Variants in PPM1L observed in about 807,000 individuals in gnomAD.
The protein encoded by PPM1L is protein phosphatase, Mg2+/Mn2+ dependent 1L.
PPM1L carries 13 observed loss-of-function variants against 31.4 expected under a neutral mutation model. The observed-to-expected ratio is 0.41, with a 90% CI of 0.27 to 0.66. PPM1L has a LOEUF of 0.66. Ranked by LOEUF, PPM1L falls within the 30% of genes least tolerant of loss-of-function variation. The probability of loss-of-function intolerance (pLI) is 0.29; values close to 1 mark genes in which losing one functional copy is unlikely to be tolerated. For synonymous variants in PPM1L, 184 were observed against 175.4 expected (o/e 1.05, Z -0.39); for missense variants, 326 against 453.7 (o/e 0.72, Z 2.56).
chr3:160,884,786 T>C (rs1225150564), intron 1 of PPM1L, among the ~76,000 whole-genome samples: 1 of 152,156 alleles, frequency 6.6e-6, no homozygotes, highest in Non-Finnish European at 1.5e-5. Flanking sequence ...ATGAATAAGA[T>C]TTTAAGACCA....
At chr3:160,845,422 G>A (rs558874118) in intron 1 of PPM1L, among the ~76,000 whole-genome samples, 1 of 152,024 alleles carries the variant, frequency 6.6e-6, no homozygotes, top group East Asian at 1.9e-4. Context: ...ATTTGCAAAT[G>A]TTTTTTCCAT....
chr3:161,004,767 T>A (rs1019512206), intron 2 of PPM1L, among the ~76,000 whole-genome samples: 3 of 151,360 alleles, frequency 2.0e-5, no homozygotes, highest in African/African-American at 2.4e-5. Context: ...GTCTATCAAT[T>A]TTGTTGATCC....
intron 1 of PPM1L, among the ~76,000 whole-genome samples, chr3:160,903,572 A>G (rs865823446): frequency 1.3e-5 from 2 of 152,182 alleles, no homozygotes; most frequent in Non-Finnish European, 2.9e-5. Context: ...AAGTTTACAT[A>G]TAAAATATAC....
intron 1 of PPM1L, among the ~76,000 whole-genome samples, chr3:160,848,375 C>CT (rs1353279582): frequency 6.6e-6 from 1 of 152,008 alleles, no homozygotes; most frequent in Non-Finnish European, 1.5e-5. Context: ...ATCTAGTGGA[C>CT]TTTTTTTTCC....
intron 2 of PPM1L, among the ~76,000 whole-genome samples, chr3:160,964,090 C>A (rs1433790511): frequency 6.6e-6 from 1 of 151,916 alleles, no homozygotes; most frequent in African/African-American, 2.4e-5. Flanking sequence ...ATTGCAAATG[C>A]TAGTTAATGC....
At position 160,759,690 on chromosome 3, in the gene PPM1L, C is replaced by T. The variant is rs370354818; in HGVS notation, c.399+2983C>T. On this transcript the variant is annotated intron_variant, in intron 1 of 3. Coordinates refer to ENST00000498165, the MANE Select transcript of PPM1L (RefSeq NM_139245.4). ...TGGTGCGCTTAGAGTGTTACGGTGA[C>T]ACAGAGGAGGGACATTTAAATCAGA... 2.0e-5 allele frequency among the ~76,000 whole-genome samples: 3 copies of T among 152,066 alleles called. No individual in the cohort carries two copies. The South Asian group carries it at 6.2e-4, about 31-fold the overall frequency.
chr3:160,757,496 C>A (rs2108052523), intron 1 of PPM1L, among the ~76,000 whole-genome samples: 1 of 152,362 alleles, frequency 6.6e-6, no homozygotes, highest in African/African-American at 2.4e-5. Context: ...CAGGAGATAG[C>A]TAGAGGCCAG....
intron 2 of PPM1L, among the ~76,000 whole-genome samples, chr3:161,036,939 T>A (rs1718757612): frequency 6.6e-6 from 1 of 152,236 alleles, no homozygotes; most frequent in African/African-American, 2.4e-5. Flanking sequence ...AGCCTCTCAT[T>A]TTTGAATCGT....
intron 2 of PPM1L, among the ~76,000 whole-genome samples, chr3:161,001,690 C>T (rs1475012955): frequency 6.6e-6 from 1 of 152,124 alleles, no homozygotes; most frequent in Non-Finnish European, 1.5e-5. Context: ...ATCAAAGCTT[C>T]ACTAGCTACC....
At chr3:160,901,404 C>G (rs1713537871) in intron 1 of PPM1L, among the ~76,000 whole-genome samples, 1 of 152,104 alleles carries the variant, frequency 6.6e-6, no homozygotes, top group Non-Finnish European at 1.5e-5. Context: ...GCATCCATTT[C>G]TTCAAAGGTT....
intron 2 of PPM1L, among the ~76,000 whole-genome samples, chr3:161,003,587 T>C (rs1717585365): frequency 6.6e-6 from 1 of 152,120 alleles, no homozygotes; most frequent in African/African-American, 2.4e-5. Context: ...AGGTATTTTA[T>C]TCTCTTTGAT....
At chr3:160,946,417 A>T (rs78432754) in intron 1 of PPM1L, among the ~76,000 whole-genome samples, 2,404 of 152,228 alleles carry the variant, frequency 0.016, 60 homozygotes, top group African/African-American at 0.053. Context: ...TGTTAAATGT[A>T]TGCCTTCAGA....
intron 2 of PPM1L, among the ~76,000 whole-genome samples, chr3:160,996,132 A>G (rs1268728748): frequency 6.6e-6 from 1 of 152,190 alleles, no homozygotes; most frequent in Non-Finnish European, 1.5e-5. Context: ...CAAAAACTCA[A>G]AAAATAATAG....
rs1478612893 is a variant in PPM1L, at chr3:160,973,779, T to TG, written c.574+11869_574+11870insG. Among the ~76,000 whole-genome samples the TG allele has an allele frequency of 4.1e-5, 2 of 48,356 alleles. 1 individual carries two copies. The highest frequency in any genetic ancestry group is 4.0e-3 in the East Asian group (2 of 500). The allele number at this position is 48,356 out of a possible 152,430, so 31.7% of individuals were successfully genotyped here. On this transcript the variant is annotated intron_variant, in intron 2 of 3. Coordinates refer to ENST00000498165, the MANE Select transcript of PPM1L (RefSeq NM_139245.4). ...GAAAGGCCCTGTTTTTTTTTTTTTT[T>TG]TTTTTTTTTTTTTTAACCAAGACTT...
At chr3:160,792,776 C>T (rs1422313292) in intron 1 of PPM1L, among the ~76,000 whole-genome samples, 1 of 152,132 alleles carries the variant, frequency 6.6e-6, no homozygotes, top group Non-Finnish European at 1.5e-5. Context: ...AGGGAAGTAC[C>T]ATACTTATGA....
intron 1 of PPM1L, among the ~76,000 whole-genome samples, chr3:160,894,016 C>T (rs1346714540): frequency 6.6e-6 from 1 of 152,070 alleles, no homozygotes; most frequent in African/African-American, 2.4e-5. Flanking sequence ...GTTCTGAGCA[C>T]ATTTAAGGTA....
Position 161,026,866 on chromosome 3 carries a change from C to T in PPM1L, c.575-38537C>T, listed in dbSNP as rs547015652. On this transcript the variant is annotated intron_variant, in intron 2 of 3. Transcript: ENST00000498165. ...GCCATGCCAATTGTTGAGTTTAAATCCTGGAGGCTATTGCTCTTTGGAAGA... is the reference window on the plus strand; with the variant it reads ...GCCATGCCAATTGTTGAGTTTAAATTCTGGAGGCTATTGCTCTTTGGAAGA... Among the ~76,000 whole-genome samples the T allele has an allele frequency of 2.0e-5, 3 of 152,178 alleles. No homozygotes were observed. The South Asian group carries it at 6.2e-4, about 32-fold the overall frequency.
intron 1 of PPM1L, among the ~76,000 whole-genome samples, chr3:160,837,612 C>T (rs761026582): frequency 3.3e-5 from 5 of 152,146 alleles, no homozygotes; most frequent in Non-Finnish European, 7.3e-5. Flanking sequence ...GTCAGGAAGG[C>T]CAGCCTTTGT....
intron 2 of PPM1L, among the ~76,000 whole-genome samples, chr3:161,048,264 G>T (rs937869769): frequency 2.1e-4 from 32 of 152,170 alleles, no homozygotes; most frequent in Non-Finnish European, 7.3e-5. Context: ...CACAAAGTGG[G>T]TGAAAGATAT....
Sources: allele counts gnomAD v4.1 joint callset (sites outside exome capture counted in the v4.1 genomes callset), GRCh38; gene constraint gnomAD v4.1.1; transcripts MANE v1.5; gene names NCBI Gene and HGNC (gene_info 2026-07-23, HGNC 2026-07-21).